Variants in TNPO3 observed in about 807,000 individuals in gnomAD.
The protein encoded by TNPO3 is transportin-3.
In TNPO3, 65 loss-of-function variants were observed where a neutral mutation model predicts 122.8. The observed-to-expected ratio is 0.53, with a 90% confidence interval of 0.43 to 0.65. The LOEUF is 0.65. TNPO3 is among the 30% of genes least tolerant of loss of function. The probability of loss-of-function intolerance (pLI) is 0.00; values close to 1 mark genes in which losing one functional copy is unlikely to be tolerated. For synonymous variants in TNPO3, 372 were observed against 411.2 expected, an observed-to-expected ratio of 0.90 and a Z score of 1.15; for missense variants, 850 against 1,136.7, an observed-to-expected ratio of 0.75 and a Z score of 3.63.
At chr7:129,027,744 C>T (rs1304267543) in intron 1 of TNPO3, among the ~76,000 whole-genome samples, 1 of 152,012 alleles carries the variant, frequency 6.6e-6, no homozygotes, top group Non-Finnish European at 1.5e-5. Context: ...ATGGCATTTG[C>T]CAATTTGAAA....
Position 128,975,232 on chromosome 7 carries a change from CAA to C in TNPO3, c.2179-272_2179-271del, listed in dbSNP as rs1293664446. On this transcript the variant is annotated intron_variant, in intron 17 of 22. Transcript: ENST00000265388. ...TGATAAAACTCAACAGATGTCATCT[CAA>C]AGTTTTAGAAATTTCTGAAAGCAAA... 3.9e-5 allele frequency among the ~76,000 whole-genome samples: 6 copies of C among 152,214 alleles called. No individual in the cohort carries two copies. In the East Asian group the frequency reaches 7.7e-4, roughly 20 times the overall value.
intron 17 of TNPO3, 42 bp downstream of exon 17, chr7:128,975,777 C>T (rs370875496): frequency 5.4e-5 from 67 of 1,248,550 alleles, no homozygotes; most frequent in Non-Finnish European, 7.5e-5. Flanking sequence ...GCCTTCAGAC[C>T]CTCTAGGCCT....
At chr7:129,003,588 C>G (rs1802241826) in intron 5 of TNPO3, among the ~76,000 whole-genome samples, 1 of 152,008 alleles carries the variant, frequency 6.6e-6, no homozygotes, top group Admixed American at 6.5e-5. Flanking sequence ...TTGCTTGAAG[C>G]CAGGAGTTTG....
At chr7:129,009,691 T>C (rs1325921846) in intron 4 of TNPO3, among the ~76,000 whole-genome samples, 1 of 152,230 alleles carries the variant, frequency 6.6e-6, no homozygotes, top group African/African-American at 2.4e-5. Context: ...AATTCACAAG[T>C]GCTTACAAAA....
chr7:129,001,270 T>G, intron 5 of TNPO3, 36 bp from the exon 6 acceptor site: 2 of 1,580,274 alleles, frequency 1.3e-6, no homozygotes, highest in Non-Finnish European at 1.7e-6. Flanking sequence ...GCAAGAAGTA[T>G]GATCACTAAG....
intron 11 of TNPO3, among the ~76,000 whole-genome samples, chr7:128,988,066 C>A (rs934235455): frequency 5.9e-5 from 9 of 152,052 alleles, no homozygotes; most frequent in African/African-American, 2.2e-4. Flanking sequence ...CTCCGCCTCC[C>A]GGGTTCAAGT....
chr7:129,045,270 G>A (rs1807885832), intron 1 of TNPO3, among the ~76,000 whole-genome samples: 1 of 152,148 alleles, frequency 6.6e-6, no homozygotes, highest in African/African-American at 2.4e-5. Context: ...AAGTTTTGAA[G>A]ATGGATGATG....
intron 19 of TNPO3, 98 bp from the exon 20 acceptor site, chr7:128,970,413 AGT>A (rs568639918): frequency 2.4e-3 from 2,812 of 1,152,098 alleles, no homozygotes; most frequent in Admixed American, 3.4e-3. Flanking sequence ...TTAATAGGAA[AGT>A]GTGTGTGTGT....
At chr7:129,050,696 T>C (rs999365035) in intron 1 of TNPO3, among the ~76,000 whole-genome samples, 2 of 152,144 alleles carry the variant, frequency 1.3e-5, no homozygotes, top group Non-Finnish European at 2.9e-5. Context: ...GTGAGATCCA[T>C]CCCCTGGCTT....
At position 128,970,312 on chromosome 7, in the gene TNPO3, C is replaced by G. The variant is rs1798329610; in HGVS notation, c.2434G>C (p.Glu812Gln). 6.3e-7 allele frequency: 1 copy of G among 1,593,814 alleles called. No individual in the cohort carries two copies. Among genetic ancestry groups the G allele is most frequent in the African/African-American group, 1.3e-5 (1 of 74,238 alleles). ...LIHTGVANDH[E>Q]EDFELRKELI... ...TCTTTCCGTAATTCAAAGTCTTCTT[C>G]ATGCTGTATGTAGGAAAGCAGGAAC... The change falls in exon 20 of 23, where the codon GAA becomes CAA. Residue 812 changes from glutamate (E) to glutamine (Q), a missense_variant. By Grantham distance (29) the Glu-to-Gln change is conservative. Transcript: ENST00000265388.
At chr7:129,030,772 G>A (rs548307326) in intron 1 of TNPO3, among the ~76,000 whole-genome samples, 138 of 152,174 alleles carry the variant, frequency 9.1e-4, no homozygotes, top group Non-Finnish European at 1.6e-3. Context: ...CATTATATAT[G>A]TTCCTATGGA....
At chr7:128,991,878 C>A in intron 10 of TNPO3, 121 bp downstream of exon 10, 1 of 542,774 alleles carries the variant, frequency 1.8e-6, no homozygotes, top group Non-Finnish European at 3.1e-6. Context: ...CTAGACGGCA[C>A]AACAGAAGTA....
At chr7:128,967,502 C>T in intron 20 of TNPO3, 110 bp from the exon 21 acceptor site, 1 of 669,234 alleles carries the variant, frequency 1.5e-6, no homozygotes, top group Admixed American at 2.5e-5. Flanking sequence ...CATTTACTTC[C>T]CTACACTTGG....
chr7:128,956,197 T>C (rs937595268), intron 22 of TNPO3, among the ~76,000 whole-genome samples: 3 of 152,174 alleles, frequency 2.0e-5, no homozygotes, highest in African/African-American at 7.2e-5. Context: ...AGTTGAGAAA[T>C]GATTTTGGGT....
At chr7:128,960,020 C>CA (rs1563084635) in intron 21 of TNPO3, among the ~76,000 whole-genome samples, 1 of 151,582 alleles carries the variant, frequency 6.6e-6, no homozygotes, top group African/African-American at 2.4e-5. Context: ...GACTCCGTCT[C>CA]AAAAAAACGA....
chr7:128,982,361 C>A, intron 13 of TNPO3, 37 bp from the exon 14 acceptor site: 1 of 1,583,592 alleles, frequency 6.3e-7, no homozygotes, highest in Non-Finnish European at 8.7e-7. Context: ...CCAATTGTCA[C>A]ATGTACAAAT....
Position 129,042,746 on chromosome 7 carries a change from C to A in TNPO3, c.120+11905G>T, listed in dbSNP as rs56801500. Reference sequence around the variant, plus strand: ...GGGGCACATAAGATAACCATCACTACCTAAAAATATTTTTCAATATAACTT... The same window carrying A: ...GGGGCACATAAGATAACCATCACTAACTAAAAATATTTTTCAATATAACTT... On this transcript the variant is annotated intron_variant, in intron 1 of 22. Transcript: ENST00000265388. Among the ~76,000 whole-genome samples the A allele has an allele frequency of 4.0e-5, 6 of 151,868 alleles. No homozygotes were observed. In the East Asian group the frequency reaches 1.2e-3, roughly 29 times the overall value.
At chr7:128,988,770 T>C (rs1005174935) in intron 11 of TNPO3, among the ~76,000 whole-genome samples, 1 of 152,154 alleles carries the variant, frequency 6.6e-6, no homozygotes, top group African/African-American at 2.4e-5. Flanking sequence ...AACAGCCATA[T>C]TGAAATCACT....
At chr7:128,999,056 T>G (rs1427238167) in intron 7 of TNPO3, among the ~76,000 whole-genome samples, 1 of 152,152 alleles carries the variant, frequency 6.6e-6, no homozygotes, top group East Asian at 1.9e-4. Context: ...TTTCATCATG[T>G]TGGTCAGGCT....
Sources: gnomAD v4.1 joint callset for allele counts (sites outside exome capture counted in the v4.1 genomes callset) on GRCh38, gnomAD v4.1.1 for gene constraint, MANE v1.5 for transcripts, NCBI Gene and HGNC (gene_info 2026-07-23, HGNC 2026-07-21) for gene names.